The following MOXD1 variants were observed in gnomAD, a reference collection of about 807,000 sequenced individuals.
MOXD1 encodes the protein monooxygenase DBH like 1, also known as DBH-like monooxygenase protein 1.
In MOXD1, 62 loss-of-function variants were observed where a neutral mutation model predicts 66.6. That is an observed-to-expected ratio of 0.93 (90% CI 0.76 to 1.15). The LOEUF (loss-of-function observed/expected upper bound fraction) is 1.15, where lower values mean the gene tolerates loss of function less well. MOXD1 is among the 50% of genes most tolerant of loss of function. The pLI is 0.00. For missense variants in MOXD1, 847 were observed against 754.6 expected (o/e 1.12, Z -1.44); for synonymous variants, 303 against 281.9 (o/e 1.07, Z -0.75).
At chr6:132,308,548 C>A (rs1282820300) in intron 10 of MOXD1, among the ~76,000 whole-genome samples, 2 of 152,154 alleles carry the variant, frequency 1.3e-5, no homozygotes, top group African/African-American at 4.8e-5. Flanking sequence ...GATACCAAAA[C>A]CGGGAAGAGA....
At chr6:132,377,897 G>C (rs577958986) in intron 1 of MOXD1, among the ~76,000 whole-genome samples, 28 of 152,108 alleles carry the variant, frequency 1.8e-4, no homozygotes, top group African/African-American at 6.5e-4. Flanking sequence ...GGAGGCCAAG[G>C]GGGGTGGATC....
At chr6:132,344,492 G>A (rs1390184511) in intron 4 of MOXD1, among the ~76,000 whole-genome samples, 1 of 152,164 alleles carries the variant, frequency 6.6e-6, no homozygotes, top group East Asian at 1.9e-4. Flanking sequence ...GGTGAAACCT[G>A]ACCTTCAAAC....
chr6:132,357,421 C>A (rs899428878), intron 4 of MOXD1, among the ~76,000 whole-genome samples: 1 of 151,984 alleles, frequency 6.6e-6, no homozygotes, highest in Non-Finnish European at 1.5e-5. Context: ...AAGAGTTTGC[C>A]TTACTAAACA....
chr6:132,303,806 C>CGTGTGTGTGT lies in MOXD1; in HGVS notation c.1509-5852_1509-5851insACACACACAC, dbSNP rs1562276293. Among the ~76,000 whole-genome samples, 108 of 91,274 alleles carry CGTGTGTGTGT rather than the reference C, an allele frequency of 1.2e-3. 3 individuals carry two copies. The highest frequency in any genetic ancestry group is 5.6e-3 in the East Asian group (12 of 2,158). 59.9% of individuals were successfully genotyped at this position (91,274 alleles called of 152,430 possible). On this transcript the variant is annotated intron_variant, in intron 10 of 11. Transcript: ENST00000367963. ...ACACATATATACATATATACACACA[C>CGTGTGTGTGT]ATGTGTGTGTGTGTGTGTGTGTGTG...
chr6:132,343,976 A>G (rs1364517393), intron 4 of MOXD1, among the ~76,000 whole-genome samples: 1 of 152,202 alleles, frequency 6.6e-6, no homozygotes, highest in Non-Finnish European at 1.5e-5. Flanking sequence ...CATATAAGAT[A>G]TATGAAGTTT....
At chr6:132,297,462 AC>A in intron 11 of MOXD1, 145 bp from the exon 12 acceptor site, 1 of 833,658 alleles carries the variant, frequency 1.2e-6, no homozygotes, top group Non-Finnish European at 1.9e-6. Context: ...GGAGTCAGAA[AC>A]CTAGGGTTAA....
chr6:132,331,951 G>A (rs947539585), intron 4 of MOXD1, among the ~76,000 whole-genome samples: 1 of 152,168 alleles, frequency 6.6e-6, no homozygotes, highest in Non-Finnish European at 1.5e-5. Context: ...AATGCCAGAA[G>A]GTACTTCTGG....
chr6:132,306,509 G>A (rs2114536877), intron 10 of MOXD1, among the ~76,000 whole-genome samples: 1 of 152,076 alleles, frequency 6.6e-6, no homozygotes, highest in African/African-American at 2.4e-5. Context: ...GAAATACAGA[G>A]AACACCATTA....
intron 4 of MOXD1, among the ~76,000 whole-genome samples, chr6:132,331,455 C>G (rs909243332): frequency 1.3e-5 from 2 of 151,624 alleles, no homozygotes; most frequent in African/African-American, 4.8e-5. Context: ...CTTTGGGGAG[C>G]TTCAAATAAA....
chr6:132,401,099 CCCTCTCTGGGGTCCGGACGGGACCGGGCT>C, intron 1 of MOXD1, 35 bp downstream of exon 1: 1 of 1,404,650 alleles, frequency 7.1e-7, no homozygotes, highest in Non-Finnish European at 9.2e-7. Context: ...CGCACCTGCG[CCCTCTCTGGGGTCCGGACGGGACCGGGCT>C]CGGCCGGGCG....
intron 6 of MOXD1, 25 bp from the exon 7 acceptor site, chr6:132,324,122 G>A: frequency 1.3e-6 from 2 of 1,588,818 alleles, no homozygotes; most frequent in African/African-American, 1.4e-5. Flanking sequence ...CATAATTAAA[G>A]TGATTTTTGG....
chr6:132,385,704 G>A (rs1434714236), intron 1 of MOXD1, among the ~76,000 whole-genome samples: 4 of 151,800 alleles, frequency 2.6e-5, no homozygotes, highest in Non-Finnish European at 5.9e-5. Flanking sequence ...GGCTGGTCTC[G>A]AACTCTGGAA....
At chr6:132,316,335 G>A (rs1774958400) in intron 9 of MOXD1, among the ~76,000 whole-genome samples, 1 of 152,054 alleles carries the variant, frequency 6.6e-6, no homozygotes, top group African/African-American at 2.4e-5. Flanking sequence ...AAAGAAACAG[G>A]AAATTATTAT....
Position 132,387,731 on chromosome 6 carries a change from C to T in MOXD1, c.265-12954G>A, listed in dbSNP as rs544667507. 9.5e-5 allele frequency among the ~76,000 whole-genome samples: 7 copies of T among 73,396 alleles called. 1 individual carries two copies. The highest frequency in any genetic ancestry group is 1.7e-4 in the Non-Finnish European group (7 of 40,712). The allele number at this position is 73,396 out of a possible 152,430, so 48.2% of individuals were successfully genotyped here. A position where few individuals can be genotyped will look rare whatever the true frequency, so the allele number is the denominator to read the frequency against. On this transcript the variant is annotated intron_variant, in intron 1 of 11. Transcript: ENST00000367963. ...ATCGCGCCACTGCACTCCAGTCTGG[C>T]AAAAAAGTGAAACTCCATCTAAAAA...
intron 1 of MOXD1, among the ~76,000 whole-genome samples, chr6:132,397,682 GAA>G (rs1248281725): frequency 3.0e-4 from 40 of 132,576 alleles, no homozygotes; most frequent in African/African-American, 1.1e-3. Flanking sequence ...AAGAAAGAAA[GAA>G]AGAAAGAAAG....
In MOXD1 at chr6:132,322,692, T is replaced by C; in HGVS notation, c.1292A>G (p.Gln431Arg). 1.2e-6 allele frequency: 2 copies of C among 1,613,604 alleles called. No individual in the cohort carries two copies. Among genetic ancestry groups the C allele is most frequent in the Non-Finnish European group, 1.7e-6 (2 of 1,179,764 alleles). Residue 431 changes from glutamine to arginine, a missense_variant, in exon 8 of 12, where the codon CAA (glutamine) becomes CGA (arginine). By Grantham distance (43) the Gln-to-Arg change is conservative. Transcript: ENST00000367963. ...FQEFQYLKEE[Q>R]TILPGDNLIT... ...AAACATGCATACTGGTAAGATTGTT[T>C]GTTCTTCCTTTAGATACTGAAACTC...
At chr6:132,392,052 G>A in intron 1 of MOXD1, 1 of 847,446 alleles carries the variant, frequency 1.2e-6, no homozygotes, top group Non-Finnish European at 1.8e-6. Context: ...GCTGAGCTGT[G>A]TCAGGGTTGC....
intron 1 of MOXD1, among the ~76,000 whole-genome samples, chr6:132,379,348 G>A (rs530732883): frequency 5.3e-4 from 81 of 152,092 alleles, no homozygotes; most frequent in Non-Finnish European, 1.1e-3. Flanking sequence ...CAATAGAAGG[G>A]CACTTCTTCA....
chr6:132,305,389 G>T (rs1164271056), intron 10 of MOXD1, among the ~76,000 whole-genome samples: 1 of 152,234 alleles, frequency 6.6e-6, no homozygotes, highest in Non-Finnish European at 1.5e-5. Context: ...CCCCTAAGGG[G>T]AGGGGTGGCT....
Sources: allele counts gnomAD v4.1 joint callset (sites outside exome capture counted in the v4.1 genomes callset), GRCh38; gene constraint gnomAD v4.1.1; transcripts MANE v1.5; gene names NCBI Gene and HGNC (gene_info 2026-07-23, HGNC 2026-07-21).